Variants in ZNF441 observed in about 807,000 individuals in gnomAD.
ZNF441 encodes the protein zinc finger protein 441.
A neutral mutation model predicts 64.5 loss-of-function variants in ZNF441; 25 were observed. That is an observed-to-expected ratio of 0.39 (90% confidence interval 0.28 to 0.54). The LOEUF is 0.54. Among genes scored for constraint, ZNF441 ranks in the 20% least tolerant of loss-of-function variants. ZNF441 has a pLI of 0.70. For synonymous variants in ZNF441, 262 were observed against 268.0 expected (o/e 0.98, Z 0.22); for missense variants, 715 against 843.3 (o/e 0.85, Z 1.88).
intron 1 of ZNF441, among the ~76,000 whole-genome samples, chr19:11,770,921 A>G (rs1447579181): frequency 3.5e-5 from 5 of 144,684 alleles, no homozygotes; most frequent in African/African-American, 1.3e-4. Flanking sequence ...TGACAGAACA[A>G]AACTCTGTTT....
rs761260826 is a variant in ZNF441 at position 11,780,155 on chromosome 19, G to A, written c.331G>A (p.Val111Ile). Residue 111 changes from valine (V) to isoleucine (I), a missense_variant, in exon 4 of 4, where the codon GTC (valine) becomes ATC (isoleucine). This residue lies in a region of ZNF441 where 399 missense variants were observed against 413.9 expected (regional missense o/e 0.96). Coordinates refer to ENST00000357901, the MANE Select transcript of ZNF441 (RefSeq NM_152355.3). The part of the protein sequence containing the change: ...DPWESSECTD[V>I]LMGRSSLNCY... ...ATGGGAAAGCAGTGAGTGTACAGACGTCCTCATGGGTCGTTCATCTCTTAA... is the reference window on the plus strand; with the variant it reads ...ATGGGAAAGCAGTGAGTGTACAGACATCCTCATGGGTCGTTCATCTCTTAA... 46 of 1,614,028 alleles carry A rather than the reference G, an allele frequency of 2.9e-5. No homozygotes were observed. Among genetic ancestry groups the A allele is most frequent in the East Asian group, 6.7e-5 (3 of 44,888 alleles).
rs1207191715 is a variant in ZNF441, at chr19:11,782,572, C to T, written c.*666C>T. 1 of 152,166 alleles carries T rather than the reference C, an allele frequency of 6.6e-6. No individual in the cohort carries two copies. Among genetic ancestry groups the T allele is most frequent in the Non-Finnish European group, 1.5e-5 (1 of 68,016 alleles). The allele number at this position is 152,166 out of a possible 1,614,324, so 9.4% of individuals were successfully genotyped here. On this transcript the variant is annotated 3_prime_UTR_variant, in exon 4 of 4. Coordinates refer to ENST00000357901, the MANE Select transcript of ZNF441 (RefSeq NM_152355.3). ...ACAAATACAACTGTCATTCATTGTCCTAAGTACGTGTACATGTCAGCAACA... is the reference window on the plus strand; with the variant it reads ...ACAAATACAACTGTCATTCATTGTCTTAAGTACGTGTACATGTCAGCAACA...
At position 11,782,871 on chromosome 19, in the gene ZNF441, C is replaced by T. The variant is rs1177864621; in HGVS notation, c.*965C>T. The T allele has an allele frequency of 6.6e-6, 1 of 152,142 alleles. No individual in the cohort carries two copies. The highest frequency in any genetic ancestry group is 1.9e-4 in the East Asian group (1 of 5,200). The allele number at this position is 152,142 out of a possible 1,614,324, so 9.4% of individuals were successfully genotyped here. ...ACTAGAAGAAAACATATTGAAAATA[C>T]TTCAGGACATTGGTTTAGGCAAAGA... On this transcript the variant is annotated 3_prime_UTR_variant, in exon 4 of 4. Transcript: ENST00000357901.
At chr19:11,769,300 AT>A (rs1975295102) in intron 1 of ZNF441, among the ~76,000 whole-genome samples, 2 of 152,188 alleles carry the variant, frequency 1.3e-5, no homozygotes. Flanking sequence ...CAGAAGATGG[AT>A]TATTCTCCTG....
rs1336908157 is a variant in ZNF441, at chr19:11,781,296, A to G, written c.1472A>G (p.Gln491Arg). 6.2e-7 allele frequency: 1 copy of G among 1,612,760 alleles called. No homozygotes were observed. The highest frequency in any genetic ancestry group is 8.5e-7 in the Non-Finnish European group (1 of 1,179,614). Residue 491 changes from glutamine (Q) to arginine (R), a missense_variant, in exon 4 of 4, where the codon CAG becomes CGG. Coordinates refer to ENST00000357901, the MANE Select transcript of ZNF441 (RefSeq NM_152355.3). The part of the protein sequence containing the change: ...GKALSHLKSF[Q>R]RHMIMHTGDG... ...GCACTTTCTCATCTGAAAAGCTTTCAGAGACACATGATAATGCACACTGGA... is the reference window on the plus strand; with the variant it reads ...GCACTTTCTCATCTGAAAAGCTTTCGGAGACACATGATAATGCACACTGGA...
Position 11,780,095 on chromosome 19 carries a change from A to G in ZNF441, c.271A>G (p.Ser91Gly), listed in dbSNP as rs778206499. 4 of 1,614,216 alleles carry G rather than the reference A, an allele frequency of 2.5e-6. No individual in the cohort carries two copies. The African/African-American group carries it at 4.0e-5, about 16-fold the overall frequency. The change falls in exon 4 of 4, where the codon AGT becomes GGT. Residue 91 changes from serine to glycine, a missense_variant. By Grantham distance (56) the Ser-to-Gly change is moderately conservative. Transcript: ENST00000357901. ...CGGPFTQTQD[S>G]IVNEKIPGVD... ...AGGACCCTTTACCCAGACTCAAGAC[A>G]GTATTGTGAACGAGAAAATACCTGG...
chr19:11,778,351 A>G lies in ZNF441; in HGVS notation c.152A>G (p.Asp51Gly), dbSNP rs1397578789. 1 of 1,546,234 alleles carries G rather than the reference A, an allele frequency of 6.5e-7. No individual in the cohort carries two copies. The highest frequency in any genetic ancestry group is 1.2e-5 in the South Asian group (1 of 82,692). ...DCIGMIWQNH[D>G]IEEDQYKDLR... Reference sequence around the variant, plus strand: ...TTAGGAATGATATGGCAAAATCATGATATAGAAGAAGATCAGTACAAAGAT... The same window carrying G: ...TTAGGAATGATATGGCAAAATCATGGTATAGAAGAAGATCAGTACAAAGAT... The change falls in exon 3 of 4, where the codon GAT becomes GGT. Residue 51 changes from aspartate to glycine, a missense_variant. Physicochemically the swap from Asp to Gly is moderately conservative, Grantham distance 94. Transcript: ENST00000357901.
chr19:11,780,480 C>A lies in ZNF441; in HGVS notation c.656C>A (p.Thr219Asn). The change falls in exon 4 of 4, where the codon ACT (threonine) becomes AAT (asparagine). Residue 219 changes from threonine (T) to asparagine (N), a missense_variant. Around this residue, in one of 2 missense-constraint regions of ZNF441, gnomAD observed 399 missense variants for 413.9 expected, o/e 0.96. Coordinates refer to ENST00000357901, the MANE Select transcript of ZNF441 (RefSeq NM_152355.3). ...TTTCATATGCTTAGAAGAACTCACA[C>A]TGAAGAGAAACCATATGAATATGAG... ...SLFHMLRRTH[T>N]EEKPYEYEQC... is the part of the protein sequence containing the mutation. The A allele has an allele frequency of 1.9e-6, 3 of 1,614,152 alleles. No individual in the cohort carries two copies. Among genetic ancestry groups the A allele is most frequent in the Non-Finnish European group, 2.5e-6 (3 of 1,180,034 alleles).
chr19:11,780,048 T>C lies in ZNF441; in HGVS notation c.224T>C (p.Ile75Thr). The stretch of plus-strand genomic sequence containing the variant: ...CATATGGTAGAGAGAGCCTGTGAAA[T>C]TAAAGATAATAGTCAATGTGGAGGA... The part of the protein sequence containing the change: ...RCHMVERACE[I>T]KDNSQCGGPF... The change falls in exon 4 of 4, where the codon ATT becomes ACT. Residue 75 changes from isoleucine (I) to threonine (T), a missense_variant. Physicochemically the swap from Ile to Thr is moderately conservative, Grantham distance 89. Around this residue, in one of 2 missense-constraint regions of ZNF441, gnomAD observed 399 missense variants for 413.9 expected, o/e 0.96. Transcript: ENST00000357901. 1.2e-6 allele frequency: 2 copies of C among 1,612,058 alleles called. No individual in the cohort carries two copies. Among genetic ancestry groups the C allele is most frequent in the Non-Finnish European group, 1.7e-6 (2 of 1,178,264 alleles).
intron 1 of ZNF441, among the ~76,000 whole-genome samples, chr19:11,776,622 G>A (rs1338747315): frequency 1.3e-5 from 2 of 152,040 alleles, no homozygotes; most frequent in African/African-American, 4.8e-5. Context: ...ACTTAATAAA[G>A]TTTAATTTTT....
Position 11,778,338 on chromosome 19 carries a change from T to C in ZNF441, c.139T>C (p.Trp47Arg). The C allele has an allele frequency of 1.3e-6, 2 of 1,542,336 alleles. No individual in the cohort carries two copies. Among genetic ancestry groups the C allele is most frequent in the Non-Finnish European group, 8.7e-7 (1 of 1,143,346 alleles). ...CTGGTTCTAACTTTTAGGAATGATATGGCAAAATCATGATATAGAAGAAGA... is the reference window on the plus strand; with the variant it reads ...CTGGTTCTAACTTTTAGGAATGATACGGCAAAATCATGATATAGAAGAAGA... ...IRNLDCIGMIWQNHDIEEDQY... is the reference protein window; with the variant it reads ...IRNLDCIGMIRQNHDIEEDQY... Residue 47 changes from tryptophan to arginine, a missense_variant, in exon 3 of 4, where the codon TGG (tryptophan) becomes CGG (arginine). Trp to Arg is a moderately radical substitution (Grantham distance 101, BLOSUM62 -3). This residue lies in a region of ZNF441 where 399 missense variants were observed against 413.9 expected (regional missense o/e 0.96). Coordinates refer to ENST00000357901, the MANE Select transcript of ZNF441 (RefSeq NM_152355.3).
At chr19:11,774,072 G>A (rs1401444875) in intron 1 of ZNF441, among the ~76,000 whole-genome samples, 1 of 151,904 alleles carries the variant, frequency 6.6e-6, no homozygotes, top group Non-Finnish European at 1.5e-5. Flanking sequence ...TATGAGTATA[G>A]TAAATCTCTT....
chr19:11,778,389 C>A lies in ZNF441; in HGVS notation c.190C>A (p.Leu64Ile). 1.3e-6 allele frequency: 2 copies of A among 1,544,442 alleles called. No homozygotes were observed. Among genetic ancestry groups the A allele is most frequent in the South Asian group, 2.4e-5 (2 of 82,698 alleles). Residue 64 changes from leucine to isoleucine, a missense_variant, in exon 3 of 4, where the codon CTA (leucine) becomes ATA (isoleucine). Coordinates refer to ENST00000357901, the MANE Select transcript of ZNF441 (RefSeq NM_152355.3). Reference sequence around the variant, plus strand: ...TCAGTACAAAGATCTCAGAAGAAATCTAAGGTAATTTGCACTCACAAGAGA... The same window carrying A: ...TCAGTACAAAGATCTCAGAAGAAATATAAGGTAATTTGCACTCACAAGAGA... ...EDQYKDLRRN[L>I]RCHMVERACE...
At chr19:11,769,065 T>C (rs1975293228) in intron 1 of ZNF441, among the ~76,000 whole-genome samples, 1 of 151,482 alleles carries the variant, frequency 6.6e-6, no homozygotes, top group Non-Finnish European at 1.5e-5. Flanking sequence ...CATAGGGAGG[T>C]GGTGAAAGGA....
At chr19:11,771,775 G>A (rs968097502) in intron 1 of ZNF441, among the ~76,000 whole-genome samples, 3 of 152,162 alleles carry the variant, frequency 2.0e-5, no homozygotes, top group African/African-American at 7.2e-5. Context: ...GTGGTCTAGC[G>A]GTAGCAAAAA....
chr19:11,782,090 G>C lies in ZNF441; in HGVS notation c.*184G>C. On this transcript the variant is annotated 3_prime_UTR_variant, in exon 4 of 4. Transcript: ENST00000357901. ...CATACTTCAAAAATATATATATAATGAATGTGAGGAATATGAAAAAACTTT... is the reference window on the plus strand; with the variant it reads ...CATACTTCAAAAATATATATATAATCAATGTGAGGAATATGAAAAAACTTT... 1 of 465,104 alleles carries C rather than the reference G, an allele frequency of 2.2e-6. No individual in the cohort carries two copies. Among genetic ancestry groups the C allele is most frequent in the East Asian group, 3.2e-5 (1 of 30,882 alleles). The allele number at this position is 465,104 out of a possible 1,614,324, so 28.8% of individuals were successfully genotyped here.
rs569801908 is a variant in ZNF441, at chr19:11,767,880, G to T, written c.3+684G>T. Among the ~76,000 whole-genome samples, 2 of 152,208 alleles carry T rather than the reference G, an allele frequency of 1.3e-5. No homozygotes were observed. Among genetic ancestry groups the T allele is most frequent in the African/African-American group, 2.4e-5 (1 of 41,460 alleles). Reference sequence around the variant, plus strand: ...GCCTGACTCTTGGGGAGGCGGCCCCGCGAGGCAGCGGGGCTGAGGGCACCT... The same window carrying T: ...GCCTGACTCTTGGGGAGGCGGCCCCTCGAGGCAGCGGGGCTGAGGGCACCT... On this transcript the variant is annotated intron_variant, in intron 1 of 3. Coordinates refer to ENST00000357901, the MANE Select transcript of ZNF441 (RefSeq NM_152355.3). The surrounding 1 kb of genome is among the most constrained non-coding windows in gnomAD (Gnocchi z 5.1).
In ZNF441 at chr19:11,767,708, G is replaced by A. The variant is rs1396549697; in HGVS notation, c.3+512G>A. On this transcript the variant is annotated intron_variant, in intron 1 of 3. Transcript: ENST00000357901. The surrounding 1 kb of genome is among the most constrained non-coding windows in gnomAD (Gnocchi z 5.1). ...GAAACCGCATTCTTCTGCTGAGTGG[G>A]TTCCCTTGTGGGGTCTTCAGCCTGG... is the stretch of plus-strand genomic sequence containing the variant. 6.6e-6 allele frequency among the ~76,000 whole-genome samples: 1 copy of A among 152,188 alleles called. No individual in the cohort carries two copies. The highest frequency in any genetic ancestry group is 1.5e-5 in the Non-Finnish European group (1 of 68,030).
At position 11,767,212 on chromosome 19, in the gene ZNF441, CTGG is replaced by C; in HGVS notation, c.3+19_3+21del. On this transcript the variant is annotated intron_variant, in intron 1 of 3. Transcript: ENST00000357901. The surrounding 1 kb of genome is among the most constrained non-coding windows in gnomAD (Gnocchi z 5.1). The stretch of plus-strand genomic sequence containing the variant: ...CCGGGAAATGGTGAGTGTGTGAGGT[CTGG>C]TGTCCCGACGCGTGAGAGGAGAGAC... The C allele has an allele frequency of 5.1e-6, 8 of 1,559,248 alleles. No individual in the cohort carries two copies. The highest frequency in any genetic ancestry group is 6.9e-6 in the Non-Finnish European group (8 of 1,151,578).
Sources: gnomAD v4.1 joint callset for allele counts (sites outside exome capture counted in the v4.1 genomes callset) on GRCh38, gnomAD v4.1.1 for gene constraint, gnomAD v4.1.1 regional missense constraint, Gnocchi (gnomAD v3.1) non-coding constraint, MANE v1.5 for transcripts, NCBI Gene and HGNC (gene_info 2026-07-23, HGNC 2026-07-21) for gene names.